Variants in MXRA8 observed in about 807,000 individuals in gnomAD.
The protein encoded by MXRA8 is matrix remodeling associated 8.
In MXRA8, 44 loss-of-function variants were observed where a neutral mutation model predicts 51.4. The ratio of observed to expected loss-of-function variants is 0.86; its 90% confidence interval spans 0.67 to 1.10. MXRA8 has a LOEUF of 1.10. Among genes scored for constraint, MXRA8 ranks in the 50% least tolerant of loss-of-function variants. The pLI is 0.00. For synonymous variants in MXRA8, 369 were observed against 293.5 expected (o/e 1.26, Z -2.63); for missense variants, 765 against 638.9 (o/e 1.20, Z -2.13).
At chr1:1,359,147 C>T (rs189541959), upstream of MXRA8, 119 of 985,384 alleles carry the variant, frequency 1.2e-4, no homozygotes, top group African/African-American at 2.0e-3. Flanking sequence ...CCCTTTACAA[C>T]CTGGAGAGTC....
At chr1:1,358,432 C>T (rs562194987) in intron 1 of MXRA8, 24 bp downstream of exon 1, 35 of 1,598,792 alleles carry the variant, frequency 2.2e-5, no homozygotes, top group African/African-American at 8.1e-5. Flanking sequence ...ACCCCCCACC[C>T]GCCTCCCAGG....
Position 1,355,706 on chromosome 1 carries a change from G to A in MXRA8, c.120C>T (p.Ser40=). 3 of 1,334,698 alleles carry A rather than the reference G, an allele frequency of 2.2e-6. No homozygotes were observed. The South Asian group carries it at 6.0e-5, about 27-fold the overall frequency. 82.7% of individuals were successfully genotyped at this position (1,334,698 alleles called of 1,614,324 possible). A position where few individuals can be genotyped will look rare whatever the true frequency, so the allele number is the denominator to read the frequency against. ...AAAGSSVVSE[S]AVSWEAGARA... is the part of the protein sequence containing the mutation. ...GGGCGCCCGCCTCCCAGCTCACCGCGGACTCGGACACCACGGAGCTGCCAG... is the reference window on the plus strand; with the variant it reads ...GGGCGCCCGCCTCCCAGCTCACCGCAGACTCGGACACCACGGAGCTGCCAG... Residue 40 remains serine (S), a synonymous_variant, in exon 3 of 10, where the codon TCC becomes TCT. Transcript: ENST00000309212.
chr1:1,356,733 C>A (rs1362437925), intron 1 of MXRA8, 29 bp from the exon 2 acceptor site: 1 of 1,389,662 alleles, frequency 7.2e-7, no homozygotes, highest in East Asian at 2.7e-5. Context: ...GCTGGAGAGG[C>A]CACCCACAGC....
upstream of MXRA8, chr1:1,359,460 C>T (rs902013845): frequency 1.0e-6 from 1 of 985,364 alleles, no homozygotes. Context: ...AAAAAACAAT[C>T]TGAACAACCA....
chr1:1,354,299 C>T (rs1251793095), intron 6 of MXRA8, 55 bp downstream of exon 6: 3 of 1,597,990 alleles, frequency 1.9e-6, no homozygotes, highest in African/African-American at 1.3e-5. Context: ...CAGAGGACCA[C>T]CCTCCCGCCC....
intron 7 of MXRA8, 28 bp from the exon 8 acceptor site, chr1:1,354,134 C>T: frequency 6.2e-7 from 1 of 1,612,792 alleles, no homozygotes; most frequent in South Asian, 1.1e-5. Context: ...GAGGAGGTTA[C>T]AGCTGGGTGG....
Position 1,353,163 on chromosome 1 carries a change from C to T in MXRA8, c.*441G>A. ...ACCCCAACTTCAAGGCTGCCAAGTTCTGATGGGAGTGTCCTCCTCCAGGAA... is the reference window on the plus strand; with the variant it reads ...ACCCCAACTTCAAGGCTGCCAAGTTTTGATGGGAGTGTCCTCCTCCAGGAA... On this transcript the variant is annotated 3_prime_UTR_variant, in exon 10 of 10. Transcript: ENST00000309212. The T allele has an allele frequency of 1.0e-6, 1 of 986,916 alleles. No homozygotes were observed. Among genetic ancestry groups the T allele is most frequent in the Non-Finnish European group, 1.6e-6 (1 of 641,060 alleles). The allele number at this position is 986,916 out of a possible 1,614,324, so 61.1% of individuals were successfully genotyped here. A position where few individuals can be genotyped will look rare whatever the true frequency, so the allele number is the denominator to read the frequency against.
In MXRA8 at chr1:1,355,695, C is replaced by A. The variant is rs1466884101; in HGVS notation, c.131G>T (p.Trp44Leu). ...SSVVSESAVS[W>L]EAGARAVLRC... is the part of the protein sequence containing the mutation. ...CAGCACCGCCCGGGCGCCCGCCTCC[C>A]AGCTCACCGCGGACTCGGACACCAC... The change falls in exon 3 of 10, where the codon TGG becomes TTG. Residue 44 changes from tryptophan to leucine, a missense_variant. Trp to Leu is a moderately conservative substitution (Grantham distance 61). Coordinates refer to ENST00000309212, the MANE Select transcript of MXRA8 (RefSeq NM_032348.4). The A allele has an allele frequency of 7.4e-6, 10 of 1,343,150 alleles. No homozygotes were observed. The highest frequency in any genetic ancestry group is 1.5e-5 in the African/African-American group (1 of 65,244). The allele number at this position is 1,343,150 out of a possible 1,614,324, so 83.2% of individuals were successfully genotyped here.
chr1:1,358,670 C>T (rs1644180733), upstream of MXRA8: 1 of 1,407,554 alleles, frequency 7.1e-7, no homozygotes, highest in Non-Finnish European at 9.3e-7. Flanking sequence ...GCCCCTTGGC[C>T]TCCCCCATCG....
upstream of MXRA8, chr1:1,359,242 G>C: frequency 1.0e-6 from 1 of 985,394 alleles, no homozygotes; most frequent in Non-Finnish European, 1.2e-6. Flanking sequence ...CGTCCCCTGG[G>C]GCTGCCCGCC....
At chr1:1,358,428 C>A (rs747235741) in intron 1 of MXRA8, 28 bp downstream of exon 1, 2 of 1,595,604 alleles carry the variant, frequency 1.3e-6, no homozygotes, top group South Asian at 1.1e-5. Flanking sequence ...TGCCACCCCC[C>A]ACCCGCCTCC....
chr1:1,359,233 G>A (rs984295270), upstream of MXRA8: 36 of 985,216 alleles, frequency 3.7e-5, no homozygotes, highest in Admixed American at 1.6e-3. Flanking sequence ...TGCTGGCCCC[G>A]TCCCCTGGGG....
chr1:1,354,663 C>A lies in MXRA8; in HGVS notation c.949+19G>T. ...GGGTGGGCTCCCGCCTTCCCGGGTC[C>A]CAGGGAGGCCTCCTTCACCTGGGCC... On this transcript the variant is annotated intron_variant, in intron 5 of 9. Transcript: ENST00000309212. 6.4e-7 allele frequency: 1 copy of A among 1,551,280 alleles called. No homozygotes were observed. The highest frequency in any genetic ancestry group is 8.7e-7 in the Non-Finnish European group (1 of 1,151,184).
At chr1:1,357,532 C>T (rs1195785360) in intron 1 of MXRA8, among the ~76,000 whole-genome samples, 2 of 152,204 alleles carry the variant, frequency 1.3e-5, no homozygotes, top group Non-Finnish European at 2.9e-5. Context: ...CCCCACCAGG[C>T]ATGGTGGCTC....
At chr1:1,358,404 C>G in intron 1 of MXRA8, 52 bp downstream of exon 1, 1 of 1,558,410 alleles carries the variant, frequency 6.4e-7, no homozygotes, top group Non-Finnish European at 8.7e-7. Flanking sequence ...GAAACGGACT[C>G]GCACAGCCCC....
upstream of MXRA8, among the ~76,000 whole-genome samples, chr1:1,360,297 C>G (rs1003559063): frequency 6.6e-6 from 1 of 152,206 alleles, no homozygotes; most frequent in East Asian, 1.9e-4. Context: ...GGGCAGCTGA[C>G]CCCCATGGGG....
chr1:1,359,526 C>G (rs1280624682), upstream of MXRA8: 1 of 985,314 alleles, frequency 1.0e-6, no homozygotes, highest in South Asian at 4.7e-5. Context: ...AGTGAGCTCT[C>G]CTTACAGGCC....
chr1:1,357,341 C>T (rs911729903), intron 1 of MXRA8, among the ~76,000 whole-genome samples: 2 of 152,194 alleles, frequency 1.3e-5, no homozygotes, highest in South Asian at 2.1e-4. Flanking sequence ...TCACATCCCC[C>T]GTCCTCGAGC....
chr1:1,358,097 G>A (rs1019664942), intron 1 of MXRA8, among the ~76,000 whole-genome samples: 2 of 152,190 alleles, frequency 1.3e-5, no homozygotes, highest in Non-Finnish European at 2.9e-5. Context: ...GGGAGCGGGG[G>A]CTGGAACAGA....
Sources: gnomAD v4.1 joint callset for allele counts (sites outside exome capture counted in the v4.1 genomes callset) on GRCh38, gnomAD v4.1.1 for gene constraint, MANE v1.5 for transcripts, NCBI Gene and HGNC (gene_info 2026-07-23, HGNC 2026-07-21) for gene names.